Variants in ZNF341 observed in about 807,000 individuals in gnomAD.
ZNF341 encodes the protein zinc finger protein 341.
ZNF341 carries 52 observed loss-of-function variants against 87.7 expected under a neutral mutation model. The observed-to-expected ratio is 0.59, with a 90% CI of 0.47 to 0.75. The LOEUF is 0.75. ZNF341 is among the 30% of genes least tolerant of loss of function. ZNF341 has a pLI of 0.00. For missense variants in ZNF341, 977 were observed against 1,145.9 expected (o/e 0.85, Z 2.13); for synonymous variants, 459 against 472.7 (o/e 0.97, Z 0.38).
At chr20:33,733,874 A>G (rs760581734) in intron 1 of ZNF341, among the ~76,000 whole-genome samples, 48 of 152,358 alleles carry the variant, frequency 3.2e-4, no homozygotes, top group African/African-American at 9.4e-4. Context: ...GTCATGTAGA[A>G]TAAGATGACC....
At chr20:33,775,352 A>G (rs1041993283) in intron 10 of ZNF341, among the ~76,000 whole-genome samples, 2 of 151,690 alleles carry the variant, frequency 1.3e-5, no homozygotes, top group Non-Finnish European at 2.9e-5. Context: ...TGCGACTACA[A>G]GGCACCTGCC....
At chr20:33,741,172 G>A (rs1409225660) in intron 2 of ZNF341, among the ~76,000 whole-genome samples, 160 bp downstream of exon 2, 1 of 152,120 alleles carries the variant, frequency 6.6e-6, no homozygotes, top group Non-Finnish European at 1.5e-5. Context: ...GGGATCTTTG[G>A]GCTCACGGCT....
chr20:33,753,220 C>T lies in ZNF341; in HGVS notation c.538C>T (p.Pro180Ser). Residue 180 changes from proline to serine, a missense_variant, in exon 5 of 15, where the codon CCT becomes TCT. Coordinates refer to ENST00000375200, the MANE Select transcript of ZNF341 (RefSeq NM_001282933.2). ...SVPSYLTQPP[P>S]PPPPPPPLPP... ...GCCCAGCTACCTCACCCAGCCTCCA[C>T]CTCCTCCTCCACCTCCTCCACCACT... 2 of 1,612,032 alleles carry T rather than the reference C, an allele frequency of 1.2e-6. No individual in the cohort carries two copies. The highest frequency in any genetic ancestry group is 1.7e-6 in the Non-Finnish European group (2 of 1,179,934).
intron 5 of ZNF341, among the ~76,000 whole-genome samples, chr20:33,755,963 C>T (rs906264410): frequency 6.6e-6 from 1 of 152,066 alleles, no homozygotes; most frequent in African/African-American, 2.4e-5. Flanking sequence ...GGGCTCACGC[C>T]TGTAATCCCT....
At chr20:33,784,834 T>G (rs2019820569) in intron 12 of ZNF341, among the ~76,000 whole-genome samples, 1 of 152,102 alleles carries the variant, frequency 6.6e-6, no homozygotes, top group Non-Finnish European at 1.5e-5. Context: ...CAGGCTGGTT[T>G]CGAACTCCTG....
intron 8 of ZNF341, 65 bp from the exon 9 acceptor site, chr20:33,766,786 G>A (rs1401203769): frequency 4.7e-6 from 7 of 1,504,840 alleles, no homozygotes; most frequent in Non-Finnish European, 5.4e-6. Context: ...CACGGAGTAG[G>A]GGTTCTGTGC....
At chr20:33,755,208 G>A (rs1047706030) in intron 5 of ZNF341, among the ~76,000 whole-genome samples, 1 of 152,224 alleles carries the variant, frequency 6.6e-6, no homozygotes, top group African/African-American at 2.4e-5. Flanking sequence ...GCCTCCCAAA[G>A]TGCTGGGATT....
chr20:33,767,237 T>C (rs1027308831), intron 9 of ZNF341, among the ~76,000 whole-genome samples, 196 bp downstream of exon 9: 2 of 152,144 alleles, frequency 1.3e-5, no homozygotes, highest in African/African-American at 2.4e-5. Context: ...CAGAAAACTT[T>C]GACTCTCCTC....
chr20:33,748,565 A>C (rs1316131819), intron 3 of ZNF341, among the ~76,000 whole-genome samples: 2 of 151,506 alleles, frequency 1.3e-5, no homozygotes, highest in African/African-American at 4.9e-5. Flanking sequence ...ACAGGGTTTC[A>C]CCATGTTGCC....
intron 12 of ZNF341, chr20:33,787,443 G>A (rs372290335): frequency 5.3e-5 from 8 of 152,134 alleles, no homozygotes; most frequent in African/African-American, 1.9e-4. Context: ...GTATCGACTG[G>A]GTTGATGGTT....
chr20:33,781,470 C>T, intron 11 of ZNF341, 83 bp downstream of exon 11: 1 of 1,237,596 alleles, frequency 8.1e-7, no homozygotes, highest in Non-Finnish European at 1.2e-6. Flanking sequence ...TCACCCTTTC[C>T]TTCTCCTCTC....
chr20:33,749,372 A>G (rs938228009), intron 4 of ZNF341, among the ~76,000 whole-genome samples: 1 of 152,034 alleles, frequency 6.6e-6, no homozygotes, highest in Non-Finnish European at 1.5e-5. Context: ...GGCTCACTGC[A>G]ACCTCTGCCT....
chr20:33,790,909 T>C, intron 14 of ZNF341, 79 bp from the exon 15 acceptor site: 5 of 1,492,826 alleles, frequency 3.3e-6, no homozygotes, highest in Non-Finnish European at 3.6e-6. Flanking sequence ...GGAAAGAGCC[T>C]GGATTTTATT....
At chr20:33,770,891 C>T (rs1460783016) in intron 10 of ZNF341, among the ~76,000 whole-genome samples, 2 of 152,062 alleles carry the variant, frequency 1.3e-5, no homozygotes, top group Non-Finnish European at 2.9e-5. Context: ...GAGGCTGAGG[C>T]GGGCAGATGA....
chr20:33,762,697 C>G (rs1242570661), intron 8 of ZNF341, among the ~76,000 whole-genome samples: 1 of 152,066 alleles, frequency 6.6e-6, no homozygotes, highest in Non-Finnish European at 1.5e-5. Flanking sequence ...TCCCCAGCCC[C>G]CCGACAGGCC....
intron 3 of ZNF341, among the ~76,000 whole-genome samples, chr20:33,748,170 C>T (rs2018973922): frequency 6.6e-6 from 1 of 152,222 alleles, no homozygotes; most frequent in African/African-American, 2.4e-5. Context: ...CTCCCAGGTT[C>T]AAGCGGTTCT....
At chr20:33,771,754 G>A (rs530389408) in intron 10 of ZNF341, among the ~76,000 whole-genome samples, 13 of 151,736 alleles carry the variant, frequency 8.6e-5, no homozygotes, top group Non-Finnish European at 1.9e-4. Context: ...AGTGGCTCAC[G>A]CCTATAATCC....
chr20:33,788,794 C>G (rs747457148), intron 12 of ZNF341, 69 bp from the exon 13 acceptor site: 2 of 1,323,770 alleles, frequency 1.5e-6, no homozygotes, highest in Non-Finnish European at 2.2e-6. Flanking sequence ...AGGGGCCCAG[C>G]GGGGACCCTT....
intron 3 of ZNF341, among the ~76,000 whole-genome samples, chr20:33,747,097 TA>T (rs2018942802): frequency 6.6e-6 from 1 of 152,084 alleles, no homozygotes; most frequent in Non-Finnish European, 1.5e-5. Context: ...ACACCCTGGA[TA>T]GGGGGCTCAT....
Sources: gnomAD v4.1 joint callset for allele counts (sites outside exome capture counted in the v4.1 genomes callset) on GRCh38, gnomAD v4.1.1 for gene constraint, MANE v1.5 for transcripts, NCBI Gene and HGNC (gene_info 2026-07-23, HGNC 2026-07-21) for gene names.